The following BTD variants were observed in gnomAD, a reference collection of about 807,000 sequenced individuals.
BTD encodes the protein biocytinase.
A neutral mutation model predicts 17.7 loss-of-function variants in BTD; 13 were observed. The ratio of observed to expected loss-of-function variants is 0.74; its 90% CI spans 0.48 to 1.17. BTD has a LOEUF of 1.17. BTD is among the 50% of genes most tolerant of loss of function. The pLI, the probability that BTD is intolerant of heterozygous loss-of-function variation, is 0.00. For synonymous variants in BTD, 240 were observed against 245.2 expected, an observed-to-expected ratio of 0.98 and a Z score of 0.20; for missense variants, 674 against 650.4, an observed-to-expected ratio of 1.04 and a Z score of -0.39.
At chr3:15,661,819 G>C (rs571197755) in intron 3 of BTD, among the ~76,000 whole-genome samples, 1 of 152,324 alleles carries the variant, frequency 6.6e-6, no homozygotes, top group South Asian at 2.1e-4. Context: ...TGTAAGATCT[G>C]TGTCTAGATT....
downstream of BTD, among the ~76,000 whole-genome samples, chr3:15,654,860 A>T (rs1415932864): frequency 1.3e-5 from 2 of 151,920 alleles, no homozygotes; most frequent in African/African-American, 4.8e-5. Flanking sequence ...TCAGCCTCCC[A>T]TGTAGCTGGG....
intron 3 of BTD, among the ~76,000 whole-genome samples, chr3:15,664,896 C>T (rs1489208869): frequency 6.6e-6 from 1 of 152,072 alleles, no homozygotes; most frequent in Non-Finnish European, 1.5e-5. Context: ...CAAAAAACTA[C>T]CTATTAAGTA....
At chr3:15,690,777 C>T (rs771764546) in intron 3 of BTD, among the ~76,000 whole-genome samples, 14 of 152,012 alleles carry the variant, frequency 9.2e-5, no homozygotes, top group Admixed American at 4.6e-4. Flanking sequence ...CTATGCTATC[C>T]GGGCTGGTCT....
chr3:15,623,107 T>C (rs1434607418), intron 1 of BTD, among the ~76,000 whole-genome samples: 1 of 152,234 alleles, frequency 6.6e-6, no homozygotes, highest in African/African-American at 2.4e-5. Flanking sequence ...ATGAGACTTA[T>C]TCACTACCAT....
rs927951222 is a variant in BTD at position 15,649,094 on chromosome 3, G to A, written c.*3606G>A. Among the ~76,000 whole-genome samples the A allele has an allele frequency of 1.3e-4, 20 of 152,206 alleles. No homozygotes were observed. Among genetic ancestry groups the A allele is most frequent in the African/African-American group, 4.8e-4 (20 of 41,442 alleles). On this transcript the variant is annotated 3_prime_UTR_variant, in exon 4 of 4. Coordinates refer to ENST00000643237, the MANE Select transcript of BTD (RefSeq NM_001370658.1). ...GTTGTTTGAAGCCACCCAGTTCAGG[G>A]TACTTTGATATGGCAGACCTAGGAA...
intron 3 of BTD, chr3:15,697,355 A>C (rs2069766208): frequency 6.6e-6 from 1 of 152,212 alleles, no homozygotes; most frequent in South Asian, 2.1e-4. Flanking sequence ...GGGATAAAAG[A>C]CTACACATTG....
chr3:15,711,671 G>A (rs934113096), exon 4 of BTD, among the ~76,000 whole-genome samples: 1 of 151,952 alleles, frequency 6.6e-6, no homozygotes, highest in Admixed American at 6.6e-5. Context: ...TTCTTTAACA[G>A]GGGATGAAGA....
intron 1 of BTD, among the ~76,000 whole-genome samples, chr3:15,627,188 C>T (rs1156344514): frequency 2.0e-5 from 3 of 152,168 alleles, no homozygotes; most frequent in African/African-American, 7.2e-5. Context: ...TGCTTCCCAC[C>T]ACGCATGGAT....
chr3:15,627,952 C>A (rs149043295), intron 1 of BTD, among the ~76,000 whole-genome samples: 3,938 of 152,182 alleles, frequency 0.026, 179 homozygotes, highest in African/African-American at 0.087. Context: ...GAACTCCTGA[C>A]CTCAGGTGAT....
chr3:15,676,069 A>G (rs2066905528), intron 3 of BTD: 13 of 1,214,534 alleles, frequency 1.1e-5, no homozygotes, highest in Non-Finnish European at 1.5e-5. Context: ...GTCAAAGAGC[A>G]TTTTTGTCAA....
intron 3 of BTD, among the ~76,000 whole-genome samples, chr3:15,666,162 T>C (rs1357711726): frequency 6.6e-6 from 1 of 152,200 alleles, no homozygotes; most frequent in African/African-American, 2.4e-5. Context: ...TAAACACCTG[T>C]TGCAGTCAGA....
chr3:15,624,889 A>G (rs531421879), intron 1 of BTD, among the ~76,000 whole-genome samples: 1 of 152,094 alleles, frequency 6.6e-6, no homozygotes, highest in Admixed American at 6.5e-5. Flanking sequence ...TGTGCCACCA[A>G]GCCTGGCCAA....
intron 3 of BTD, among the ~76,000 whole-genome samples, chr3:15,689,484 G>A (rs1373895555): frequency 6.6e-6 from 1 of 152,200 alleles, no homozygotes; most frequent in African/African-American, 2.4e-5. Context: ...GGCTGCCAAG[G>A]TTGTTTTCCA....
intron 3 of BTD, chr3:15,685,989 T>A: frequency 6.2e-7 from 1 of 1,605,730 alleles, no homozygotes; most frequent in Non-Finnish European, 8.5e-7. Flanking sequence ...GGAAAGAGCA[T>A]ATTTCTGCTT....
chr3:15,629,097 T>C (rs1468471022), intron 1 of BTD, among the ~76,000 whole-genome samples: 1 of 152,172 alleles, frequency 6.6e-6, no homozygotes, highest in African/African-American at 2.4e-5. Context: ...TTAAATATGG[T>C]AGAAATACTT....
chr3:15,636,781 TG>T (rs1204311452), intron 2 of BTD, among the ~76,000 whole-genome samples: 1 of 8,626 alleles, frequency 1.2e-4, no homozygotes, highest in African/African-American at 4.5e-4. Context: ...GTGTATGGGG[TG>T]GGGGGGTGTT....
intron 3 of BTD, among the ~76,000 whole-genome samples, chr3:15,704,149 T>C (rs2125987793): frequency 6.6e-6 from 1 of 152,306 alleles, no homozygotes; most frequent in East Asian, 1.9e-4. Flanking sequence ...ACATATTTAA[T>C]ATGTTCATTG....
At position 15,635,766 on chromosome 3, in the gene BTD, A is replaced by G. The variant is rs1186471866; in HGVS notation, c.249+78A>G. The G allele has an allele frequency of 3.1e-6, 5 of 1,600,064 alleles. No homozygotes were observed. Among genetic ancestry groups the G allele is most frequent in the Non-Finnish European group, 4.3e-6 (5 of 1,170,620 alleles). On this transcript the variant is annotated intron_variant, in intron 2 of 3. Coordinates refer to ENST00000643237, the MANE Select transcript of BTD (RefSeq NM_001370658.1). The surrounding 1 kb of genome is among the most constrained non-coding windows in gnomAD (Gnocchi z 4.1). ...TTACCCCTTGATCAGTGGTTGGGTAATCCCAGGCTTCCTACCACCCTCTGA... is the reference window on the plus strand; with the variant it reads ...TTACCCCTTGATCAGTGGTTGGGTAGTCCCAGGCTTCCTACCACCCTCTGA...
Position 15,652,322 on chromosome 3 carries a change from TC to T in BTD, c.*6835del. ...GTCTGGGCAACAGAGCGACACTCCG[TC>T]TCCAAAAAAAAAAGATACTGCAGCT... On this transcript the variant is annotated 3_prime_UTR_variant, in exon 4 of 4. Transcript: ENST00000643237. Among the ~76,000 whole-genome samples, 1 of 151,486 alleles carries T rather than the reference TC, an allele frequency of 6.6e-6. No homozygotes were observed. Among genetic ancestry groups the T allele is most frequent in the Non-Finnish European group, 1.5e-5 (1 of 67,856 alleles).
Sources: gnomAD v4.1 joint callset for allele counts (sites outside exome capture counted in the v4.1 genomes callset) on GRCh38, gnomAD v4.1.1 for gene constraint, Gnocchi (gnomAD v3.1) non-coding constraint, MANE v1.5 for transcripts, NCBI Gene and HGNC (gene_info 2026-07-23, HGNC 2026-07-21) for gene names.